Variants in SEMA3E observed in about 807,000 individuals in gnomAD.
SEMA3E encodes the protein semaphorin 3E.
In SEMA3E, 49 loss-of-function variants were observed where a neutral mutation model predicts 93.6. That is an observed-to-expected ratio of 0.52 (90% CI 0.42 to 0.66). The LOEUF (loss-of-function observed/expected upper bound fraction) is 0.66. Ranked by LOEUF, SEMA3E falls within the 30% of genes least tolerant of loss-of-function variation. The pLI, the probability that SEMA3E is intolerant of heterozygous loss-of-function variation, is 0.00. For missense variants in SEMA3E, 906 were observed against 964.8 expected, an observed-to-expected ratio of 0.94 and a Z score of 0.81; for synonymous variants, 363 against 330.7, an observed-to-expected ratio of 1.10 and a Z score of -1.06.
At chr7:83,631,471 AC>A (rs1178649397) in intron 1 of SEMA3E, among the ~76,000 whole-genome samples, 1 of 152,240 alleles carries the variant, frequency 6.6e-6, no homozygotes. Flanking sequence ...AAACAAAACG[AC>A]TTTATAAGAA....
intron 2 of SEMA3E, among the ~76,000 whole-genome samples, chr7:83,486,621 C>T (rs1160356879): frequency 6.6e-6 from 1 of 151,990 alleles, no homozygotes; most frequent in Middle Eastern, 3.2e-3. Flanking sequence ...CTAAAAGCAG[C>T]CTCAGAGGGC....
chr7:83,377,473 C>T (rs1321678131), intron 16 of SEMA3E, among the ~76,000 whole-genome samples: 1 of 151,924 alleles, frequency 6.6e-6, no homozygotes, highest in Non-Finnish European at 1.5e-5. Flanking sequence ...CAGCCACAGA[C>T]TTTAGGTAAA....
intron 4 of SEMA3E, among the ~76,000 whole-genome samples, chr7:83,434,815 G>T (rs555554871): frequency 1.4e-5 from 2 of 145,608 alleles, no homozygotes; most frequent in Non-Finnish European, 3.0e-5. Context: ...CCGGGTTCAC[G>T]CCATTCTCCT....
chr7:83,412,740 C>G (rs1788465101), intron 5 of SEMA3E, among the ~76,000 whole-genome samples: 1 of 137,146 alleles, frequency 7.3e-6, no homozygotes, highest in Non-Finnish European at 1.5e-5. Context: ...CCAGCCGAGC[C>G]AGACCCTGCC....
chr7:83,602,433 A>G (rs1159422125), intron 1 of SEMA3E, among the ~76,000 whole-genome samples: 2 of 151,990 alleles, frequency 1.3e-5, no homozygotes, highest in Admixed American at 1.3e-4. Flanking sequence ...ATCCAGACAG[A>G]TATGCCCTCA....
chr7:83,397,952 A>G (rs1459038462), intron 11 of SEMA3E, among the ~76,000 whole-genome samples: 1 of 152,234 alleles, frequency 6.6e-6, no homozygotes, highest in Non-Finnish European at 1.5e-5. Flanking sequence ...TATATCAGGC[A>G]AAAAGCAAAG....
At chr7:83,640,936 G>A (rs888802635) in intron 1 of SEMA3E, among the ~76,000 whole-genome samples, 6 of 151,730 alleles carry the variant, frequency 4.0e-5, no homozygotes, top group Admixed American at 3.9e-4. Flanking sequence ...AGGAGGAGGA[G>A]AGGAAGAAGA....
intron 1 of SEMA3E, among the ~76,000 whole-genome samples, chr7:83,563,315 A>G (rs948628723): frequency 6.6e-6 from 1 of 152,236 alleles, no homozygotes; most frequent in Admixed American, 6.5e-5. Flanking sequence ...AATAGCATTC[A>G]ACAAAATACA....
chr7:83,572,845 A>AT (rs903344706), intron 1 of SEMA3E, among the ~76,000 whole-genome samples: 5 of 152,162 alleles, frequency 3.3e-5, no homozygotes, highest in Admixed American at 2.0e-4. Context: ...CTGGACATCT[A>AT]TTTTTTATCA....
At chr7:83,469,402 T>A in intron 2 of SEMA3E, 100 bp from the exon 3 acceptor site, 1 of 534,678 alleles carries the variant, frequency 1.9e-6, no homozygotes, top group Non-Finnish European at 3.2e-6. Flanking sequence ...CATTTCCTTT[T>A]TTTTTTTTTT....
chr7:83,565,995 C>CTTT (rs750248438), intron 1 of SEMA3E, among the ~76,000 whole-genome samples: 7,603 of 112,664 alleles, frequency 0.067, 964 homozygotes, highest in African/African-American at 0.19. Context: ...TGTTTCCACT[C>CTTT]TTTTTTTTTT....
intron 1 of SEMA3E, among the ~76,000 whole-genome samples, chr7:83,568,104 A>G (rs1792201697): frequency 6.6e-6 from 1 of 152,088 alleles, no homozygotes. Flanking sequence ...ATGAGCAACT[A>G]TATACTAACA....
chr7:83,464,918 T>G (rs2115874074), intron 4 of SEMA3E, among the ~76,000 whole-genome samples: 1 of 151,590 alleles, frequency 6.6e-6, no homozygotes, highest in Middle Eastern at 3.4e-3. Context: ...TTTTTCTTAT[T>G]AATATAAGAA....
At chr7:83,455,903 A>G (rs931636540) in intron 4 of SEMA3E, among the ~76,000 whole-genome samples, 2 of 152,210 alleles carry the variant, frequency 1.3e-5, no homozygotes, top group African/African-American at 4.8e-5. Flanking sequence ...TGAACCCGGA[A>G]TATGACCCTG....
At chr7:83,447,564 C>A (rs1394065726) in intron 4 of SEMA3E, among the ~76,000 whole-genome samples, 1 of 152,054 alleles carries the variant, frequency 6.6e-6, no homozygotes, top group African/African-American at 2.4e-5. Flanking sequence ...AAAGTCTATG[C>A]AACATTTTTC....
intron 5 of SEMA3E, among the ~76,000 whole-genome samples, chr7:83,416,984 T>TACACACACAC (rs71522659): frequency 6.2e-5 from 7 of 113,762 alleles, no homozygotes; most frequent in African/African-American, 1.9e-4. Flanking sequence ...ACTCTGTTTA[T>TACACACACAC]ACACACACAC....
intron 1 of SEMA3E, among the ~76,000 whole-genome samples, chr7:83,572,418 A>G (rs904036571): frequency 6.6e-6 from 1 of 152,116 alleles, no homozygotes; most frequent in Non-Finnish European, 1.5e-5. Context: ...AGGCGGGTGG[A>G]TCAGGAGGTC....
intron 1 of SEMA3E, among the ~76,000 whole-genome samples, chr7:83,496,199 T>G (rs1457943056): frequency 6.6e-6 from 1 of 151,982 alleles, no homozygotes. Flanking sequence ...TGACAAAATT[T>G]GAACGACAGA....
chr7:83,590,125 G>A (rs1792727783), intron 1 of SEMA3E, among the ~76,000 whole-genome samples: 1 of 152,044 alleles, frequency 6.6e-6, no homozygotes, highest in Admixed American at 6.6e-5. Flanking sequence ...TAAGATACAA[G>A]ATTAGTAACA....
Sources: allele counts gnomAD v4.1 joint callset (sites outside exome capture counted in the v4.1 genomes callset), GRCh38; gene constraint gnomAD v4.1.1; transcripts MANE v1.5; gene names NCBI Gene and HGNC (gene_info 2026-07-23, HGNC 2026-07-21).